Variants in MRE11 observed in about 807,000 individuals in gnomAD.
MRE11 encodes the protein MRE11 double strand break repair nuclease, also known as double-strand break repair protein MRE11.
Under a neutral mutation model 91.7 loss-of-function variants are expected in MRE11, and 62 were observed. The observed-to-expected ratio is 0.68, with a 90% CI of 0.55 to 0.84. MRE11 has a LOEUF of 0.84. Among genes scored for constraint, MRE11 ranks in the 40% least tolerant of loss-of-function variants. The pLI is 0.00. For missense variants in MRE11, 796 were observed against 852.9 expected (o/e 0.93, Z 0.83); for synonymous variants, 273 against 271.4 (o/e 1.01, Z -0.06).
chr11:94,486,211 A>G, intron 3 of MRE11, 127 bp from the exon 4 acceptor site: 1 of 860,146 alleles, frequency 1.2e-6, no homozygotes, highest in Non-Finnish European at 1.8e-6. Context: ...AAAAATTTAC[A>G]TTTTATTTAT....
rs1393793845 is a variant in MRE11, at chr11:94,470,531, G to A, written c.957C>T (p.Asp319=). The change falls in exon 9 of 20, where the codon GAC becomes GAT. Residue 319 remains aspartate (D), a synonymous_variant. Coordinates refer to ENST00000323929, the MANE Select transcript of MRE11 (RefSeq NM_005591.4). ...MEDIVLANHP[D]IFNPDNPKVT... ...CTTTAGGATTATCTGGGTTAAAAAT[G>A]TCTGGATGATTAGCTAGAACAATAT... The A allele has an allele frequency of 1.9e-6, 3 of 1,613,128 alleles. No homozygotes were observed. Among genetic ancestry groups the A allele is most frequent in the Non-Finnish European group, 2.5e-6 (3 of 1,179,388 alleles).
At chr11:94,507,626 T>A in the MRE11 span, among the ~76,000 whole-genome samples, 1 of 152,230 alleles carries the variant, frequency 6.6e-6, no homozygotes, top group African/African-American at 2.4e-5. Flanking sequence ...CCCATGGCTC[T>A]TGTTACTGCC....
At position 94,474,738 on chromosome 11, in the gene MRE11, G is replaced by C. The variant is rs150836152; in HGVS notation, c.659+1551C>G. Among the ~76,000 whole-genome samples, 133 of 152,170 alleles carry C rather than the reference G, an allele frequency of 8.7e-4. 1 individual carries two copies. Among genetic ancestry groups the C allele is most frequent in the African/African-American group, 3.1e-3 (129 of 41,506 alleles). ...CACATTCCCTTAATCAAATGATGAG[G>C]GGGGCAATGAGAAAAATCAACATCA... On this transcript the variant is annotated intron_variant, in intron 7 of 19. Coordinates refer to ENST00000323929, the MANE Select transcript of MRE11 (RefSeq NM_005591.4).
Position 94,478,744 on chromosome 11 carries a change from A to G in MRE11, c.535T>C (p.Tyr179His), listed in dbSNP as rs864622308. The G allele has an allele frequency of 1.2e-6, 2 of 1,612,598 alleles. No homozygotes were observed. The highest frequency in any genetic ancestry group is 4.5e-5 in the East Asian group (2 of 44,824). ...AATAAAACTGTCTTACCTAAACCATATAGCGCAATCTTTGTGCTTCCTTTT... is the reference window on the plus strand; with the variant it reads ...AATAAAACTGTCTTACCTAAACCATGTAGCGCAATCTTTGTGCTTCCTTTT... ...LQKGSTKIAL[Y>H]GLGSIPDERL... The change falls in exon 6 of 20, where the codon TAT becomes CAT. Residue 179 changes from tyrosine to histidine, a missense_variant. Coordinates refer to ENST00000323929, the MANE Select transcript of MRE11 (RefSeq NM_005591.4).
intron 7 of MRE11, among the ~76,000 whole-genome samples, chr11:94,472,468 C>T (rs1162585763): frequency 6.6e-6 from 1 of 152,036 alleles, no homozygotes; most frequent in Non-Finnish European, 1.5e-5. Flanking sequence ...AATACTGTTA[C>T]CCAAACACTG....
At chr11:94,462,477 C>T (rs979072415) in intron 11 of MRE11, among the ~76,000 whole-genome samples, 1 of 152,162 alleles carries the variant, frequency 6.6e-6, no homozygotes, top group East Asian at 1.9e-4. Flanking sequence ...CCAAGACAAT[C>T]CTAAGCAAAA....
At chr11:94,438,115 G>A (rs1198609185) in intron 16 of MRE11, among the ~76,000 whole-genome samples, 2 of 152,032 alleles carry the variant, frequency 1.3e-5, no homozygotes, top group Non-Finnish European at 1.5e-5. Flanking sequence ...GCAACAGAGC[G>A]AAACTCCGTC....
chr11:94,461,054 T>C lies in MRE11; in HGVS notation c.1226-18A>G. The C allele has an allele frequency of 6.3e-7, 1 of 1,579,962 alleles. No homozygotes were observed. Among genetic ancestry groups the C allele is most frequent in the East Asian group, 2.2e-5 (1 of 44,632 alleles). On this transcript the variant is annotated intron_variant, in intron 11 of 19. Transcript: ENST00000323929. ...CTCTTCTCCTAGAAAAAAAGAAGTA[T>C]ATCAAAAAATAGCTTCTATCATAAT...
chr11:94,465,601 G>A, intron 10 of MRE11, among the ~76,000 whole-genome samples: 1 of 151,820 alleles, frequency 6.6e-6, no homozygotes, highest in African/African-American at 2.4e-5. Context: ...TTGCCATGTT[G>A]CCCAGGCTGG....
intron 19 of MRE11, among the ~76,000 whole-genome samples, chr11:94,423,471 C>T (rs539959654): frequency 6.6e-5 from 10 of 152,316 alleles, no homozygotes; most frequent in Non-Finnish European, 5.9e-5. Flanking sequence ...TGGCCATAGG[C>T]GCCCATCCCC....
intron 4 of MRE11, among the ~76,000 whole-genome samples, chr11:94,480,299 TC>T (rs1166862825): frequency 1.3e-5 from 2 of 152,236 alleles, no homozygotes; most frequent in African/African-American, 4.8e-5. Flanking sequence ...AACAGATTTT[TC>T]TTTCTCCTTA....
chr11:94,431,247 T>C (rs896713328), intron 18 of MRE11, among the ~76,000 whole-genome samples: 1 of 152,174 alleles, frequency 6.6e-6, no homozygotes, highest in Non-Finnish European at 1.5e-5. Context: ...CAGAAGGATT[T>C]ATCAGGCAAA....
the MRE11 span, among the ~76,000 whole-genome samples, chr11:94,504,854 A>T: frequency 6.6e-6 from 1 of 152,210 alleles, no homozygotes; most frequent in Non-Finnish European, 1.5e-5. Flanking sequence ...TTTTTATAAG[A>T]AAACTTTAGT....
intron 1 of MRE11, among the ~76,000 whole-genome samples, chr11:94,493,232 T>C (rs183829476): frequency 6.6e-6 from 1 of 152,106 alleles, no homozygotes; most frequent in Non-Finnish European, 1.5e-5. Flanking sequence ...CAAACAACTC[T>C]AGATGTGCAG....
chr11:94,418,557 G>A lies in MRE11; in HGVS notation c.*1568C>T, dbSNP rs1384463185. On this transcript the variant is annotated 3_prime_UTR_variant, in exon 20 of 20. Transcript: ENST00000323929. ...GACTGAGCCAGCATGGCTTGTGCAG[G>A]GGTAGGTAGCACAGCATCATCCAGA... The A allele has an allele frequency of 1.7e-5, 4 of 232,882 alleles. No individual in the cohort carries two copies. Among genetic ancestry groups the A allele is most frequent in the Admixed American group, 1.7e-4 (3 of 17,782 alleles). 14.4% of individuals were successfully genotyped at this position (232,882 alleles called of 1,614,324 possible).
intron 19 of MRE11, among the ~76,000 whole-genome samples, chr11:94,421,532 A>G (rs1466479513): frequency 1.3e-5 from 2 of 152,246 alleles, no homozygotes; most frequent in Non-Finnish European, 2.9e-5. Flanking sequence ...ACTGTAACAT[A>G]TAACCGCATA....
intron 3 of MRE11, among the ~76,000 whole-genome samples, chr11:94,487,739 G>A (rs545301889): frequency 2.6e-4 from 40 of 152,282 alleles, no homozygotes; most frequent in African/African-American, 8.9e-4. Context: ...AAAAAATCGT[G>A]TGTATTTGTA....
intron 14 of MRE11, among the ~76,000 whole-genome samples, chr11:94,449,452 A>G (rs1291983296): frequency 6.6e-6 from 1 of 152,210 alleles, no homozygotes; most frequent in African/African-American, 2.4e-5. Flanking sequence ...CTAAAAATCA[A>G]CACTCACGAT....
At chr11:94,457,822 T>C (rs1050377057) in intron 13 of MRE11, among the ~76,000 whole-genome samples, 1 of 151,726 alleles carries the variant, frequency 6.6e-6, no homozygotes, top group Non-Finnish European at 1.5e-5. Context: ...AACACGGGTG[T>C]CTGGTCAGAG....
Sources: allele counts gnomAD v4.1 joint callset (sites outside exome capture counted in the v4.1 genomes callset), GRCh38; gene constraint gnomAD v4.1.1; transcripts MANE v1.5; gene names NCBI Gene and HGNC (gene_info 2026-07-23, HGNC 2026-07-21).